The following PTPN12 variants were observed in gnomAD, a reference collection of about 807,000 sequenced individuals.
PTPN12 encodes the protein protein tyrosine phosphatase non-receptor type 12.
Under a neutral mutation model 97.6 loss-of-function variants are expected in PTPN12, and 29 were observed. That is an observed-to-expected ratio of 0.30 (90% CI 0.22 to 0.41). The LOEUF is 0.41. PTPN12 is among the 10% of genes least tolerant of loss of function. The pLI, the probability that PTPN12 is intolerant of heterozygous loss-of-function variation, is 1.00. For synonymous variants in PTPN12, 327 were observed against 300.4 expected (o/e 1.09, Z -0.91); for missense variants, 819 against 926.0 (o/e 0.88, Z 1.50).
chr7:77,569,388 G>A (rs906669837), intron 1 of PTPN12, among the ~76,000 whole-genome samples: 1 of 152,002 alleles, frequency 6.6e-6, no homozygotes, highest in African/African-American at 2.4e-5. Flanking sequence ...TTGTTTTTCA[G>A]CTCTCTCATA....
intron 6 of PTPN12, among the ~76,000 whole-genome samples, chr7:77,595,229 T>G (rs1344287355): frequency 1.3e-5 from 2 of 152,226 alleles, no homozygotes; most frequent in African/African-American, 4.8e-5. Context: ...GTAATTTGTT[T>G]GTCTTATAAT....
intron 8 of PTPN12, among the ~76,000 whole-genome samples, chr7:77,604,142 C>T (rs1788276747): frequency 6.6e-6 from 1 of 150,854 alleles, no homozygotes; most frequent in Admixed American, 6.6e-5. Flanking sequence ...CCCGCCTCCA[C>T]CTCCCAAAGT....
In PTPN12 at chr7:77,597,825, T is replaced by C. The variant is rs1171394231; in HGVS notation, c.493-17T>C. On this transcript the variant is annotated splice_polypyrimidine_tract_variant and intron_variant, in intron 6 of 17. Transcript: ENST00000248594. The stretch of plus-strand genomic sequence containing the variant: ...TTTAACGTTTTCACTGACTTAGAAA[T>C]GTTTCTCTTTATTTAGGAGGATGAA... 6.2e-7 allele frequency: 1 copy of C among 1,603,612 alleles called. No homozygotes were observed. Among genetic ancestry groups the C allele is most frequent in the Non-Finnish European group, 8.5e-7 (1 of 1,176,086 alleles).
chr7:77,616,791 G>GT (rs923921336), intron 11 of PTPN12, among the ~76,000 whole-genome samples: 86 of 150,656 alleles, frequency 5.7e-4, no homozygotes, highest in Middle Eastern at 7.0e-3. Context: ...GTACTTTTTT[G>GT]TTTTTTTTTG....
chr7:77,616,288 C>CT (rs928135526), intron 11 of PTPN12, among the ~76,000 whole-genome samples: 6 of 151,870 alleles, frequency 4.0e-5, no homozygotes, highest in East Asian at 1.9e-4. Context: ...TCAACTATAG[C>CT]TTTTTTTTCT....
chr7:77,618,344 A>G (rs965530534), intron 11 of PTPN12, 136 bp from the exon 12 acceptor site: 2 of 576,982 alleles, frequency 3.5e-6, no homozygotes, highest in Non-Finnish European at 5.9e-6. Flanking sequence ...GAGCCAGAAT[A>G]TAAGACTTTT....
At chr7:77,602,023 A>T (rs1041928819) in intron 8 of PTPN12, among the ~76,000 whole-genome samples, 1 of 152,212 alleles carries the variant, frequency 6.6e-6, no homozygotes, top group Non-Finnish European at 1.5e-5. Context: ...AAATTGCACA[A>T]TATAAATCTT....
At position 77,539,893 on chromosome 7, in the gene PTPN12, GCT is replaced by G. The variant is rs1422325826; in HGVS notation, c.99+2252_99+2253del. Among the ~76,000 whole-genome samples, 4 of 152,272 alleles carry G rather than the reference GCT, an allele frequency of 2.6e-5. 1 individual carries two copies. Among genetic ancestry groups the G allele is most frequent in the African/African-American group, 9.6e-5 (4 of 41,560 alleles). On this transcript the variant is annotated intron_variant, in intron 1 of 17. Transcript: ENST00000248594. ...TGGGGTTTCGCCATATTTGCAGGCT[GCT>G]CTCGAACTCCTCATCTCAAGTGATC...
intron 1 of PTPN12, among the ~76,000 whole-genome samples, chr7:77,567,452 A>T (rs1808310271): frequency 6.6e-6 from 1 of 152,222 alleles, no homozygotes; most frequent in African/African-American, 2.4e-5. Flanking sequence ...TAAGCTTTGG[A>T]GGTGTGCAAG....
At chr7:77,602,329 A>T (rs1788217494) in intron 8 of PTPN12, among the ~76,000 whole-genome samples, 1 of 152,212 alleles carries the variant, frequency 6.6e-6, no homozygotes, top group African/African-American at 2.4e-5. Flanking sequence ...CATAATACAT[A>T]TGCACATATA....
intron 6 of PTPN12, among the ~76,000 whole-genome samples, chr7:77,595,683 T>C (rs1443402518): frequency 6.6e-6 from 1 of 152,214 alleles, no homozygotes; most frequent in Non-Finnish European, 1.5e-5. Context: ...TACAGAAATA[T>C]TTGAAAAAGT....
intron 1 of PTPN12, among the ~76,000 whole-genome samples, chr7:77,569,574 C>G (rs961356874): frequency 6.6e-6 from 1 of 152,054 alleles, no homozygotes; most frequent in Non-Finnish European, 1.5e-5. Context: ...AGTTCAAGAC[C>G]AGCCTGGATA....
intron 12 of PTPN12, among the ~76,000 whole-genome samples, chr7:77,621,565 A>T (rs1444751737): frequency 2.0e-5 from 3 of 151,960 alleles, no homozygotes; most frequent in African/African-American, 7.3e-5. Flanking sequence ...GCTACTTGGG[A>T]GGCTAAGGCA....
At chr7:77,589,700 T>C (rs1787805067) in intron 5 of PTPN12, among the ~76,000 whole-genome samples, 1 of 152,120 alleles carries the variant, frequency 6.6e-6, no homozygotes, top group Non-Finnish European at 1.5e-5. Context: ...TGAGAAAATA[T>C]AAAAACTGAG....
chr7:77,577,467 A>G (rs1466147642), intron 2 of PTPN12, among the ~76,000 whole-genome samples: 1 of 151,412 alleles, frequency 6.6e-6, no homozygotes, highest in East Asian at 1.9e-4. Context: ...CTTTTTAATC[A>G]TTGGCAAACT....
intron 1 of PTPN12, among the ~76,000 whole-genome samples, chr7:77,570,084 CT>C (rs1808411105): frequency 6.6e-6 from 1 of 152,082 alleles, no homozygotes; most frequent in African/African-American, 2.4e-5. Flanking sequence ...GGGAATTTTA[CT>C]TTGACATTGT....
At chr7:77,565,544 T>C (rs150854963) in intron 1 of PTPN12, among the ~76,000 whole-genome samples, 249 of 152,340 alleles carry the variant, frequency 1.6e-3, no homozygotes, top group African/African-American at 5.7e-3. Context: ...GACAGGCCAA[T>C]AGACAGCTCT....
intron 1 of PTPN12, among the ~76,000 whole-genome samples, chr7:77,544,627 T>A (rs1219656527): frequency 6.6e-6 from 1 of 152,186 alleles, no homozygotes; most frequent in Admixed American, 6.5e-5. Flanking sequence ...TGGCTGTAGG[T>A]TTTTTGTTCA....
chr7:77,553,060 A>T (rs915700368), intron 1 of PTPN12, among the ~76,000 whole-genome samples: 10 of 152,196 alleles, frequency 6.6e-5, no homozygotes, highest in African/African-American at 2.4e-4. Context: ...ATATTTAATT[A>T]TCTGAAAATA....
Sources: allele counts gnomAD v4.1 joint callset (sites outside exome capture counted in the v4.1 genomes callset), GRCh38; gene constraint gnomAD v4.1.1; transcripts MANE v1.5; gene names NCBI Gene and HGNC (gene_info 2026-07-23, HGNC 2026-07-21).